TASP1: variants seen among roughly 807,000 people sequenced by gnomAD.
TASP1 encodes taspase 1.
Under a neutral mutation model 56.6 loss-of-function variants are expected in TASP1, and 16 were observed. The observed-to-expected ratio is 0.28, with a 90% CI of 0.19 to 0.43. The LOEUF (loss-of-function observed/expected upper bound fraction) is 0.43, where lower values mean the gene tolerates loss of function less well. Among genes scored for constraint, TASP1 ranks in the 20% least tolerant of loss-of-function variants. TASP1 has a pLI of 1.00. For missense variants in TASP1, 393 were observed against 511.6 expected (o/e 0.77, Z 2.24); for synonymous variants, 179 against 184.2 (o/e 0.97, Z 0.23).
chr20:13,601,039 G>T (rs2047937566), intron 4 of TASP1, among the ~76,000 whole-genome samples: 1 of 152,170 alleles, frequency 6.6e-6, no homozygotes, highest in Non-Finnish European at 1.5e-5. Flanking sequence ...CCTCTGGGAG[G>T]CCCAGACAGG....
At chr20:13,526,423 C>T (rs1301772210) in intron 10 of TASP1, among the ~76,000 whole-genome samples, 1 of 152,092 alleles carries the variant, frequency 6.6e-6, no homozygotes, top group African/African-American at 2.4e-5. Flanking sequence ...CTACAATTTT[C>T]CATAGACACG....
chr20:13,159,163 TG>T, the TASP1 span, among the ~76,000 whole-genome samples: 3 of 152,184 alleles, frequency 2.0e-5, no homozygotes, highest in African/African-American at 7.2e-5. Flanking sequence ...AGATTAGCTC[TG>T]GAAAAGAAAT....
chr20:13,164,242 A>C, the TASP1 span: 3 of 429,078 alleles, frequency 7.0e-6, no homozygotes, highest in African/African-American at 6.2e-5. Flanking sequence ...GTTAAGTTCT[A>C]GTATTTTCTG....
intron 10 of TASP1, among the ~76,000 whole-genome samples, chr20:13,528,207 G>A (rs1483279777): frequency 8.6e-6 from 1 of 115,746 alleles, no homozygotes; most frequent in African/African-American, 3.3e-5. Flanking sequence ...GGGACAGAGT[G>A]AGACTCTGAC....
chr20:13,564,093 A>G (rs2046435971), intron 7 of TASP1, among the ~76,000 whole-genome samples: 1 of 152,192 alleles, frequency 6.6e-6, no homozygotes, highest in East Asian at 1.9e-4. Context: ...AGCCAAGGCA[A>G]TTAGGCAAGG....
At chr20:13,298,911 G>A in the TASP1 span, 7 of 1,605,970 alleles carry the variant, frequency 4.4e-6, no homozygotes, top group East Asian at 4.5e-5. Flanking sequence ...TTGTACACGC[G>A]GTGAGAGGGT....
the TASP1 span, among the ~76,000 whole-genome samples, chr20:13,159,793 T>C: frequency 6.6e-6 from 1 of 152,102 alleles, no homozygotes; most frequent in African/African-American, 2.4e-5. Context: ...ACACACACCA[T>C]CATGAGTGGC....
At chr20:13,414,999 G>A (rs148569486) in intron 13 of TASP1, among the ~76,000 whole-genome samples, 7 of 152,196 alleles carry the variant, frequency 4.6e-5, no homozygotes, top group African/African-American at 1.7e-4. Flanking sequence ...CAAATGGCCA[G>A]GTGGCCTCAG....
In TASP1 at chr20:13,528,875, G is replaced by C. The variant is rs140067915; in HGVS notation, c.796-364C>G. Among the ~76,000 whole-genome samples, 80 of 151,976 alleles carry C rather than the reference G, an allele frequency of 5.3e-4. No homozygotes were observed. In the East Asian group the frequency reaches 0.015, roughly 29 times the overall value. ...CTTAAAATAGTAGTTTTCAAACTAGGTGTGTGTCAGATCACTTGGGGAGCT... is the reference window on the plus strand; with the variant it reads ...CTTAAAATAGTAGTTTTCAAACTAGCTGTGTGTCAGATCACTTGGGGAGCT... On this transcript the variant is annotated intron_variant, in intron 9 of 13. Coordinates refer to ENST00000337743, the MANE Select transcript of TASP1 (RefSeq NM_017714.3).
chr20:13,117,334 C>T, the TASP1 span, among the ~76,000 whole-genome samples: 2 of 152,156 alleles, frequency 1.3e-5, no homozygotes, highest in African/African-American at 4.8e-5. Flanking sequence ...CATAGAAATG[C>T]CCAAGTGGCC....
At chr20:13,514,425 T>C (rs2146744647) in intron 10 of TASP1, among the ~76,000 whole-genome samples, 1 of 152,220 alleles carries the variant, frequency 6.6e-6, no homozygotes, top group South Asian at 2.1e-4. Flanking sequence ...AGAACATCCA[T>C]GATAATTAGC....
intron 10 of TASP1, among the ~76,000 whole-genome samples, chr20:13,514,696 T>C (rs965434929): frequency 6.6e-6 from 1 of 152,148 alleles, no homozygotes; most frequent in Non-Finnish European, 1.5e-5. Flanking sequence ...AAAACAACTA[T>C]CCATGCTTTC....
intron 1 of TASP1, among the ~76,000 whole-genome samples, chr20:13,636,504 T>A (rs1187754316): frequency 6.6e-6 from 1 of 152,022 alleles, no homozygotes; most frequent in African/African-American, 2.4e-5. Flanking sequence ...GTTTAATGCC[T>A]CATTAAATGA....
intron 11 of TASP1, among the ~76,000 whole-genome samples, chr20:13,435,355 G>T (rs1352438676): frequency 6.6e-6 from 1 of 152,146 alleles, no homozygotes; most frequent in Non-Finnish European, 1.5e-5. Flanking sequence ...CAAAGAAAAT[G>T]CCACATGCTG....
intron 4 of TASP1, among the ~76,000 whole-genome samples, chr20:13,596,844 A>C (rs994129590): frequency 1.3e-5 from 2 of 152,254 alleles, no homozygotes; most frequent in African/African-American, 2.4e-5. Flanking sequence ...AAAATGATAA[A>C]GAAGATATGA....
At chr20:13,538,865 A>C (rs934029859) in intron 8 of TASP1, among the ~76,000 whole-genome samples, 5 of 152,108 alleles carry the variant, frequency 3.3e-5, no homozygotes, top group Admixed American at 2.6e-4. Flanking sequence ...CAACATGGTG[A>C]AACCCTGTCT....
chr20:13,274,314 A>G, the TASP1 span, among the ~76,000 whole-genome samples: 44 of 152,286 alleles, frequency 2.9e-4, 1 homozygote, highest in East Asian at 8.0e-3. Flanking sequence ...CCCAGCAGAC[A>G]GCCCTGCTGG....
At chr20:13,537,655 G>A (rs1441965642) in intron 8 of TASP1, among the ~76,000 whole-genome samples, 2 of 152,088 alleles carry the variant, frequency 1.3e-5, no homozygotes, top group Admixed American at 6.6e-5. Context: ...ACTAAAACAT[G>A]CTATTTGTAT....
intron 11 of TASP1, among the ~76,000 whole-genome samples, chr20:13,440,726 A>C (rs1486469842): frequency 1.3e-5 from 2 of 152,082 alleles, no homozygotes; most frequent in African/African-American, 2.4e-5. Flanking sequence ...AGAGAAGTTT[A>C]ATTTTCAGAA....
Sources: gnomAD v4.1 joint callset for allele counts (sites outside exome capture counted in the v4.1 genomes callset) on GRCh38, gnomAD v4.1.1 for gene constraint, MANE v1.5 for transcripts, NCBI Gene and HGNC (gene_info 2026-07-23, HGNC 2026-07-21) for gene names.